The following MAMDC2 variants were observed in gnomAD, a reference collection of about 807,000 sequenced individuals.
MAMDC2 encodes the protein MAM domain-containing protein 2.
In MAMDC2, 57 loss-of-function variants were observed where a neutral mutation model predicts 89.8. That is an observed-to-expected ratio of 0.63 (90% CI 0.51 to 0.79). MAMDC2 has a LOEUF of 0.79. Among genes scored for constraint, MAMDC2 ranks in the 30% least tolerant of loss-of-function variants. MAMDC2 has a pLI of 0.00. For missense variants in MAMDC2, 800 were observed against 820.6 expected, an observed-to-expected ratio of 0.97 and a Z score of 0.31; for synonymous variants, 313 against 293.4, an observed-to-expected ratio of 1.07 and a Z score of -0.68.
chr9:70,157,354 T>G (rs894245054), intron 9 of MAMDC2, among the ~76,000 whole-genome samples: 1 of 152,254 alleles, frequency 6.6e-6, no homozygotes, highest in African/African-American at 2.4e-5. Flanking sequence ...GCTCAACTCA[T>G]GCAATTAGAA....
chr9:70,144,137 ATTCT>A (rs957506960), intron 9 of MAMDC2, among the ~76,000 whole-genome samples: 3 of 145,406 alleles, frequency 2.1e-5, no homozygotes, highest in Non-Finnish European at 4.5e-5. Flanking sequence ...TTTAGTCATA[ATTCT>A]CTCTCTCTCT....
intron 5 of MAMDC2, among the ~76,000 whole-genome samples, chr9:70,113,338 C>A (rs1482886235): frequency 6.6e-6 from 1 of 152,172 alleles, no homozygotes; most frequent in Admixed American, 6.5e-5. Flanking sequence ...CAGCTGTGAG[C>A]TCTGTAGCTA....
At chr9:70,193,407 T>C (rs961798455) in intron 11 of MAMDC2, among the ~76,000 whole-genome samples, 19 of 152,148 alleles carry the variant, frequency 1.2e-4, no homozygotes, top group Non-Finnish European at 2.2e-4. Flanking sequence ...ATTTAAAATA[T>C]TAAAACACTG....
At chr9:70,065,186 A>G (rs1278919920) in intron 2 of MAMDC2, among the ~76,000 whole-genome samples, 1 of 152,238 alleles carries the variant, frequency 6.6e-6, no homozygotes, top group Non-Finnish European at 1.5e-5. Context: ...AGGCAAGTGT[A>G]AAATAGAACC....
At chr9:70,134,666 T>C (rs1014419577) in intron 7 of MAMDC2, among the ~76,000 whole-genome samples, 1 of 152,086 alleles carries the variant, frequency 6.6e-6, no homozygotes, top group Non-Finnish European at 1.5e-5. Flanking sequence ...TGCCCCAACC[T>C]CCTGTCTGTT....
intron 11 of MAMDC2, among the ~76,000 whole-genome samples, chr9:70,215,642 A>C (rs2033430139): frequency 6.6e-6 from 1 of 152,226 alleles, no homozygotes; most frequent in Non-Finnish European, 1.5e-5. Flanking sequence ...ATCCCCAGCT[A>C]GTGGAGCCTA....
intron 11 of MAMDC2, among the ~76,000 whole-genome samples, chr9:70,209,762 G>A (rs554164731): frequency 1.3e-5 from 2 of 152,174 alleles, no homozygotes; most frequent in South Asian, 4.1e-4. Flanking sequence ...GCTTTCTCTT[G>A]TGGGCATTTA....
chr9:70,049,426 A>G (rs1212908658), intron 2 of MAMDC2, among the ~76,000 whole-genome samples: 1 of 152,136 alleles, frequency 6.6e-6, no homozygotes, highest in East Asian at 1.9e-4. Flanking sequence ...AGGCTCAGCT[A>G]GAGCCACAAA....
At chr9:70,060,200 T>A (rs554955036) in intron 2 of MAMDC2, among the ~76,000 whole-genome samples, 1 of 152,330 alleles carries the variant, frequency 6.6e-6, no homozygotes, top group African/African-American at 2.4e-5. Flanking sequence ...AAAGAATCCC[T>A]CTCACTTGTG....
At chr9:70,138,877 G>A (rs2031097315) in intron 7 of MAMDC2, among the ~76,000 whole-genome samples, 2 of 152,094 alleles carry the variant, frequency 1.3e-5, no homozygotes, top group African/African-American at 4.8e-5. Context: ...AAGCAGATCA[G>A]CTCCTACTAC....
chr9:70,121,922 T>C (rs2118318781), intron 5 of MAMDC2, among the ~76,000 whole-genome samples: 1 of 152,302 alleles, frequency 6.6e-6, no homozygotes, highest in African/African-American at 2.4e-5. Flanking sequence ...TTGACTCCTC[T>C]TCCTCAGAAC....
chr9:70,218,650 T>G, intron 12 of MAMDC2, 54 bp downstream of exon 12: 1 of 1,512,266 alleles, frequency 6.6e-7, no homozygotes, highest in Non-Finnish European at 8.8e-7. Context: ...GAGCTTCTGA[T>G]GTTCTTTCTT....
intron 8 of MAMDC2, among the ~76,000 whole-genome samples, 174 bp downstream of exon 8, chr9:70,140,462 C>T (rs2031175178): frequency 6.6e-6 from 1 of 152,110 alleles, no homozygotes; most frequent in African/African-American, 2.4e-5. Context: ...ATTCAAGTTG[C>T]CGTGTTAACA....
rs1446020279 is a variant in MAMDC2, at chr9:70,218,446, C to T, written c.1761C>T (p.Tyr587=). 1.9e-6 allele frequency: 3 copies of T among 1,614,056 alleles called. No homozygotes were observed. Among genetic ancestry groups the T allele is most frequent in the Non-Finnish European group, 2.5e-6 (3 of 1,180,020 alleles). Residue 587 remains tyrosine (Y), a synonymous_variant, in exon 12 of 14, where the codon TAC becomes TAT. Coordinates refer to ENST00000377182, the MANE Select transcript of MAMDC2 (RefSeq NM_153267.5). ...GAAAACACTGCTTGACCTTTTTCTA[C>T]CACATGTATGGAGGGGGCACTGGCC... ...VSGKHCLTFF[Y]HMYGGGTGLL...
At chr9:70,192,539 A>G (rs557066628) in intron 11 of MAMDC2, among the ~76,000 whole-genome samples, 6 of 152,234 alleles carry the variant, frequency 3.9e-5, no homozygotes, top group Admixed American at 3.9e-4. Context: ...GACAAGGGGT[A>G]GGAGGGGAAG....
intron 2 of MAMDC2, chr9:70,081,493 CAG>C (rs1247688291): frequency 1.3e-5 from 2 of 151,986 alleles, no homozygotes; most frequent in East Asian, 3.9e-4. Context: ...AAAGCATATT[CAG>C]AACAGCAGAA....
intron 3 of MAMDC2, chr9:70,109,076 T>G (rs949177898): frequency 6.6e-6 from 1 of 152,326 alleles, no homozygotes; most frequent in Admixed American, 6.5e-5. Flanking sequence ...TGAAGTGTGA[T>G]GTTTATTGAA....
intron 2 of MAMDC2, among the ~76,000 whole-genome samples, chr9:70,099,998 GA>G (rs1828131038): frequency 2.0e-5 from 3 of 147,332 alleles, no homozygotes; most frequent in African/African-American, 7.9e-5. Context: ...GAGAGAGAGA[GA>G]GAGAGAGAGA....
intron 11 of MAMDC2, among the ~76,000 whole-genome samples, chr9:70,180,009 A>G (rs2032603676): frequency 6.6e-6 from 1 of 151,374 alleles, no homozygotes; most frequent in Non-Finnish European, 1.5e-5. Context: ...TGCATTAGAT[A>G]TTTGTCCCCC....
Sources: gnomAD v4.1 joint callset for allele counts (sites outside exome capture counted in the v4.1 genomes callset) on GRCh38, gnomAD v4.1.1 for gene constraint, MANE v1.5 for transcripts, NCBI Gene and HGNC (gene_info 2026-07-23, HGNC 2026-07-21) for gene names.